The following CGGBP1 variants were observed in gnomAD, a reference collection of about 807,000 sequenced individuals.
CGGBP1 encodes CGG triplet repeat binding protein 1.
Under a neutral mutation model 11.4 loss-of-function variants are expected in CGGBP1, and 4 were observed. The ratio of observed to expected loss-of-function variants is 0.35; its 90% CI spans 0.17 to 0.80. CGGBP1 has a LOEUF of 0.80. Ranked by LOEUF, CGGBP1 falls within the 30% of genes least tolerant of loss-of-function variation. The pLI is 0.52. For synonymous variants in CGGBP1, 76 were observed against 74.1 expected, an observed-to-expected ratio of 1.03 and a Z score of -0.13; for missense variants, 135 against 202.1, an observed-to-expected ratio of 0.67 and a Z score of 2.01.
chr3:88,107,656 G>A (rs990817795), intron 2 of CGGBP1, among the ~76,000 whole-genome samples: 1 of 151,976 alleles, frequency 6.6e-6, no homozygotes, highest in Non-Finnish European at 1.5e-5. Flanking sequence ...CTTGCTTCTT[G>A]TGTTTTCCAT....
At chr3:88,102,497 C>T (rs1423438220) in intron 2 of CGGBP1, among the ~76,000 whole-genome samples, 3 of 152,126 alleles carry the variant, frequency 2.0e-5, no homozygotes, top group Non-Finnish European at 4.4e-5. Flanking sequence ...TGTGCAAAAG[C>T]GTGATGAAGG....
chr3:88,118,645 T>A (rs1705562774), intron 2 of CGGBP1, among the ~76,000 whole-genome samples: 1 of 152,216 alleles, frequency 6.6e-6, no homozygotes, highest in Non-Finnish European at 1.5e-5. Flanking sequence ...GTCCTAATCT[T>A]GGTAGTCACA....
chr3:88,092,198 A>G (rs1047155231), intron 2 of CGGBP1, among the ~76,000 whole-genome samples: 5 of 152,190 alleles, frequency 3.3e-5, no homozygotes, highest in Non-Finnish European at 7.3e-5. Context: ...TAAATCTACA[A>G]TAGTATGTTA....
chr3:88,138,344 CAA>C (rs1559735319), intron 2 of CGGBP1, among the ~76,000 whole-genome samples: 1 of 151,970 alleles, frequency 6.6e-6, no homozygotes, highest in African/African-American at 2.4e-5. Flanking sequence ...ACCCTTCTCT[CAA>C]AGAATATGAG....
At chr3:88,105,050 G>T (rs929664991) in intron 2 of CGGBP1, among the ~76,000 whole-genome samples, 10 of 152,214 alleles carry the variant, frequency 6.6e-5, no homozygotes, top group Non-Finnish European at 1.3e-4. Context: ...TGAGGCAGAA[G>T]AATCACTTGA....
chr3:88,115,610 TCTC>T (rs1202130696), intron 2 of CGGBP1, among the ~76,000 whole-genome samples: 1 of 152,200 alleles, frequency 6.6e-6, no homozygotes, highest in Non-Finnish European at 1.5e-5. Context: ...GAATTTCTGA[TCTC>T]CTAAAATCTG....
At chr3:88,095,435 G>C in intron 2 of CGGBP1, 3 of 343,176 alleles carry the variant, frequency 8.7e-6, no homozygotes, top group South Asian at 7.3e-5. Flanking sequence ...TTTCCTCTTT[G>C]GTTTCTGTAT....
intron 2 of CGGBP1, among the ~76,000 whole-genome samples, chr3:88,095,050 A>G (rs1034410676): frequency 4.0e-4 from 61 of 152,280 alleles, no homozygotes; most frequent in Admixed American, 1.2e-3. Flanking sequence ...ATAGAATTCA[A>G]AATATTTAAG....
chr3:88,100,044 A>C (rs1002215414), intron 2 of CGGBP1, among the ~76,000 whole-genome samples: 1 of 152,246 alleles, frequency 6.6e-6, no homozygotes, highest in African/African-American at 2.4e-5. Context: ...GGCAACCTGC[A>C]GAATGGGAGA....
intron 2 of CGGBP1, among the ~76,000 whole-genome samples, chr3:88,113,733 G>T (rs4384978): frequency 3.3e-5 from 5 of 151,850 alleles, no homozygotes; most frequent in South Asian, 2.1e-4. Flanking sequence ...TGACCCACTC[G>T]GTGAAGTAAA....
intron 2 of CGGBP1, chr3:88,086,466 G>T (rs1708339111): frequency 1.5e-6 from 2 of 1,306,160 alleles, no homozygotes; most frequent in Non-Finnish European, 2.0e-6. Context: ...ATTTGTTTTT[G>T]ATAATTTCTT....
intron 2 of CGGBP1, among the ~76,000 whole-genome samples, chr3:88,132,727 C>G (rs768695252): frequency 1.3e-5 from 2 of 152,178 alleles, no homozygotes; most frequent in Non-Finnish European, 2.9e-5. Context: ...GACACTTCAC[C>G]TAGGTGTTTC....
intron 2 of CGGBP1, among the ~76,000 whole-genome samples, chr3:88,092,210 TTTA>T (rs1703784108): frequency 1.3e-5 from 2 of 152,316 alleles, no homozygotes; most frequent in Non-Finnish European, 2.9e-5. Flanking sequence ...AGTATGTTAT[TTTA>T]TTTAAATATT....
At chr3:88,138,010 A>G (rs1166982889) in intron 2 of CGGBP1, among the ~76,000 whole-genome samples, 4 of 152,180 alleles carry the variant, frequency 2.6e-5, no homozygotes, top group Admixed American at 6.5e-5. Flanking sequence ...TGGGTCGACA[A>G]TAGATTCCCA....
At chr3:88,136,986 G>C (rs1273089124) in intron 2 of CGGBP1, among the ~76,000 whole-genome samples, 1 of 152,168 alleles carries the variant, frequency 6.6e-6, no homozygotes, top group East Asian at 1.9e-4. Flanking sequence ...CTTGAGGCCA[G>C]AAGTTCAAGA....
At chr3:88,060,213 C>G (rs1442731932), upstream of CGGBP1, among the ~76,000 whole-genome samples, 4 of 152,118 alleles carry the variant, frequency 2.6e-5, no homozygotes, top group Non-Finnish European at 5.9e-5. Context: ...CTCCGGTTAA[C>G]ATCACCAACC....
In CGGBP1 at chr3:88,105,263, GATAC is replaced by G. The variant is rs1470915768; in HGVS notation, c.-229+35703_-229+35706del. On this transcript the variant is annotated intron_variant, in intron 2 of 3. Coordinates refer to the CGGBP1 transcript ENST00000462901. Reference sequence around the variant, plus strand: ...ATCCATGCCCTTTTTTAGATAAACAGATACATACATTTTTCCACCCTGCTTTTTT... The same window carrying G: ...ATCCATGCCCTTTTTTAGATAAACAGATACATTTTTCCACCCTGCTTTTTT... Among the ~76,000 whole-genome samples the G allele has an allele frequency of 4.9e-5, 7 of 142,160 alleles. No individual in the cohort carries two copies. In the Admixed American group the frequency reaches 5.2e-4, roughly 10 times the overall value. The allele number at this position is 142,160 out of a possible 152,430, so 93.3% of individuals were successfully genotyped here.
chr3:88,088,484 A>T (rs1190786283), intron 2 of CGGBP1, among the ~76,000 whole-genome samples: 1 of 152,226 alleles, frequency 6.6e-6, no homozygotes, highest in Non-Finnish European at 1.5e-5. Flanking sequence ...GAAAGGAATA[A>T]TGAGATATGA....
intron 2 of CGGBP1, among the ~76,000 whole-genome samples, chr3:88,120,788 C>G (rs1028411372): frequency 4.8e-5 from 6 of 125,294 alleles, no homozygotes; most frequent in Non-Finnish European, 1.0e-4. Flanking sequence ...GTTTTAAATT[C>G]AACAGTATAA....
Sources: allele counts gnomAD v4.1 joint callset (sites outside exome capture counted in the v4.1 genomes callset), GRCh38; gene constraint gnomAD v4.1.1; transcripts MANE v1.5; gene names NCBI Gene and HGNC (gene_info 2026-07-23, HGNC 2026-07-21).